Variants in YES1 observed in about 807,000 individuals in gnomAD.
YES1 encodes YES proto-oncogene 1, Src family tyrosine kinase.
In YES1, 39 loss-of-function variants were observed where a neutral mutation model predicts 70.4. The observed-to-expected ratio is 0.55, with a 90% CI of 0.43 to 0.72. The LOEUF is 0.72. Ranked by LOEUF, YES1 falls within the 30% of genes least tolerant of loss-of-function variation. The pLI, the probability that YES1 is intolerant of heterozygous loss-of-function variation, is 0.00. For missense variants in YES1, 495 were observed against 644.8 expected, an observed-to-expected ratio of 0.77 and a Z score of 2.52; for synonymous variants, 198 against 218.6, an observed-to-expected ratio of 0.91 and a Z score of 0.83.
At chr18:808,110 G>T (rs1450796417) in intron 1 of YES1, among the ~76,000 whole-genome samples, 7 of 152,088 alleles carry the variant, frequency 4.6e-5, no homozygotes, top group Admixed American at 2.0e-4. Flanking sequence ...TCCTGGAGTG[G>T]GCTTTCAGAT....
At chr18:766,596 ACATTCTAATTTCT>A (rs2145768057) in intron 1 of YES1, among the ~76,000 whole-genome samples, 1 of 152,060 alleles carries the variant, frequency 6.6e-6, no homozygotes, top group South Asian at 2.1e-4. Flanking sequence ...TAGAATCAAA[ACATTCTAATTTCT>A]CATTCTAATT....
chr18:812,592 G>C (rs1907472860), upstream of YES1: 1 of 152,628 alleles, frequency 6.6e-6, no homozygotes, highest in Non-Finnish European at 1.5e-5. Context: ...GGCGGTGCAG[G>C]CCGAGGGGGC....
At chr18:801,334 A>G (rs1465157241) in intron 1 of YES1, among the ~76,000 whole-genome samples, 1 of 152,096 alleles carries the variant, frequency 6.6e-6, no homozygotes, top group Admixed American at 6.6e-5. Flanking sequence ...CCCTGTCTCA[A>G]AAAAATGATT....
intron 11 of YES1, among the ~76,000 whole-genome samples, chr18:727,787 T>C (rs2080038733): frequency 6.6e-6 from 1 of 152,134 alleles, no homozygotes; most frequent in African/African-American, 2.4e-5. Context: ...AGATTTTTTA[T>C]TGTTGGTGTT....
At chr18:796,913 A>AG (rs1304940644) in intron 1 of YES1, among the ~76,000 whole-genome samples, 1 of 152,192 alleles carries the variant, frequency 6.6e-6, no homozygotes, top group Admixed American at 6.5e-5. Context: ...ATATCATCTG[A>AG]GGAAAAAAAA....
chr18:791,043 A>C (rs1906219249), intron 1 of YES1, among the ~76,000 whole-genome samples: 1 of 152,148 alleles, frequency 6.6e-6, no homozygotes, highest in South Asian at 2.1e-4. Flanking sequence ...TGGGGTCAAG[A>C]GTTCGATACC....
intron 3 of YES1, among the ~76,000 whole-genome samples, chr18:749,204 G>T (rs1490998586): frequency 6.6e-6 from 1 of 151,568 alleles, no homozygotes; most frequent in African/African-American, 2.4e-5. Flanking sequence ...CAAAAAAACT[G>T]CATTTCTGGC....
chr18:798,707 T>A (rs926834997), intron 1 of YES1, among the ~76,000 whole-genome samples: 1 of 152,192 alleles, frequency 6.6e-6, no homozygotes, highest in African/African-American at 2.4e-5. Flanking sequence ...CCAGTGCGCT[T>A]CCTAACCTTT....
intron 1 of YES1, among the ~76,000 whole-genome samples, chr18:782,950 G>A (rs1177281801): frequency 6.6e-6 from 1 of 152,198 alleles, no homozygotes; most frequent in Non-Finnish European, 1.5e-5. Context: ...CCGAAGTGCT[G>A]CGATTACAGG....
chr18:806,597 G>C (rs192928641), intron 1 of YES1, among the ~76,000 whole-genome samples: 3 of 152,312 alleles, frequency 2.0e-5, no homozygotes, highest in South Asian at 2.1e-4. Flanking sequence ...ATTGTGCTAA[G>C]GGCTGTTCTC....
intron 1 of YES1, among the ~76,000 whole-genome samples, chr18:804,771 G>A (rs545766475): frequency 3.3e-5 from 5 of 150,790 alleles, no homozygotes; most frequent in East Asian, 2.0e-4. Flanking sequence ...AAAATTAGCC[G>A]GGTGTGGTGG....
intron 1 of YES1, among the ~76,000 whole-genome samples, chr18:763,418 G>A (rs1183021368): frequency 3.3e-5 from 5 of 152,156 alleles, no homozygotes; most frequent in Non-Finnish European, 7.3e-5. Context: ...AAAGCAGCCA[G>A]GTGTGGCGGC....
intron 1 of YES1, among the ~76,000 whole-genome samples, chr18:760,333 G>A (rs1904523056): frequency 6.6e-6 from 1 of 152,120 alleles, no homozygotes; most frequent in African/African-American, 2.4e-5. Flanking sequence ...AGCCACGTGT[G>A]GTGGTGCGCA....
chr18:785,779 A>G (rs545117414), intron 1 of YES1, among the ~76,000 whole-genome samples: 6 of 104,856 alleles, frequency 5.7e-5, no homozygotes, highest in Non-Finnish European at 1.2e-4. Flanking sequence ...CTACAAAAGG[A>G]AAAAAAAAAA....
At chr18:767,166 T>G (rs771374741) in intron 1 of YES1, among the ~76,000 whole-genome samples, 1 of 152,072 alleles carries the variant, frequency 6.6e-6, no homozygotes, top group African/African-American at 2.4e-5. Context: ...CAAAAAAAAT[T>G]TTTTTTGAGA....
rs534685710 is a variant in YES1 at position 761,784 on chromosome 18, G to A, written c.-8-4949C>T. On this transcript the variant is annotated intron_variant, in intron 1 of 11. Transcript: ENST00000314574. ...GTATCAATGCATAGGACCCATCATTGCTGCTCATCTCATTTTGAAATATTA... is the reference window on the plus strand; with the variant it reads ...GTATCAATGCATAGGACCCATCATTACTGCTCATCTCATTTTGAAATATTA... 2.3e-3 allele frequency among the ~76,000 whole-genome samples: 353 copies of A among 152,286 alleles called. 1 individual carries two copies. Among genetic ancestry groups the A allele is most frequent in the African/African-American group, 8.0e-3 (334 of 41,548 alleles).
chr18:726,023 GTTCTT>G (rs1168716105), intron 11 of YES1, among the ~76,000 whole-genome samples: 13 of 152,150 alleles, frequency 8.5e-5, no homozygotes, highest in African/African-American at 2.2e-4. Flanking sequence ...TCCATTCTGT[GTTCTT>G]TTATTTTATG....
chr18:754,151 C>G (rs1164245253), intron 2 of YES1, among the ~76,000 whole-genome samples: 2 of 152,180 alleles, frequency 1.3e-5, no homozygotes, highest in Non-Finnish European at 2.9e-5. Flanking sequence ...AAATCCTTTA[C>G]TTAATCTCTT....
chr18:745,467 A>C lies in YES1; in HGVS notation c.724+241T>G, dbSNP rs536219771. On this transcript the variant is annotated intron_variant, in intron 6 of 11. Coordinates refer to ENST00000314574, the MANE Select transcript of YES1 (RefSeq NM_005433.4). ...ATGTGGTGAAATGAACTCCAATGTA[A>C]ATACTATGCCAGTAAGATATAAGGA... Among the ~76,000 whole-genome samples the C allele has an allele frequency of 3.3e-5, 5 of 152,288 alleles. No individual in the cohort carries two copies. In the South Asian group the frequency reaches 1.0e-3, roughly 32 times the overall value.
Sources: allele counts gnomAD v4.1 joint callset (sites outside exome capture counted in the v4.1 genomes callset), GRCh38; gene constraint gnomAD v4.1.1; transcripts MANE v1.5; gene names NCBI Gene and HGNC (gene_info 2026-07-23, HGNC 2026-07-21).